GIGYF2: variants seen among roughly 807,000 people sequenced by gnomAD.
GIGYF2 encodes the protein GRB10-interacting GYF protein 2.
A neutral mutation model predicts 208.1 loss-of-function variants in GIGYF2; 25 were observed. The ratio of observed to expected loss-of-function variants is 0.12; its 90% confidence interval spans 0.09 to 0.17. The LOEUF (loss-of-function observed/expected upper bound fraction) is 0.17. GIGYF2 is among the 10% of genes least tolerant of loss of function. The pLI is 1.00. For synonymous variants in GIGYF2, 534 were observed against 543.8 expected, an observed-to-expected ratio of 0.98 and a Z score of 0.25; for missense variants, 1,302 against 1,579.4, an observed-to-expected ratio of 0.82 and a Z score of 2.98.
chr2:232,702,556 A>G (rs1343701779), intron 1 of GIGYF2, among the ~76,000 whole-genome samples: 1 of 152,144 alleles, frequency 6.6e-6, no homozygotes, highest in African/African-American at 2.4e-5. Context: ...GTAAAGCATC[A>G]TTTGATTTTA....
chr2:232,739,362 C>CCA (rs1491151627), intron 3 of GIGYF2, among the ~76,000 whole-genome samples: 1 of 7,338 alleles, frequency 1.4e-4, no homozygotes, highest in Non-Finnish European at 3.1e-4. Flanking sequence ...CAAAAGCAAA[C>CCA]CCCCCCCCCC....
chr2:232,743,976 G>A (rs1698058958), intron 3 of GIGYF2, among the ~76,000 whole-genome samples: 1 of 152,104 alleles, frequency 6.6e-6, no homozygotes, highest in Non-Finnish European at 1.5e-5. Flanking sequence ...CTTCCAAATA[G>A]CTGGGACTAC....
intron 21 of GIGYF2, among the ~76,000 whole-genome samples, chr2:232,829,957 TCA>T (rs1701376043): frequency 1.3e-5 from 2 of 152,102 alleles, no homozygotes; most frequent in African/African-American, 4.8e-5. Context: ...GTTCATTCAT[TCA>T]TTCGTTTGTT....
Position 232,847,264 on chromosome 2 carries a change from T to A in GIGYF2, c.3461-84T>A, listed in dbSNP as rs1702036978. On this transcript the variant is annotated intron_variant, in intron 26 of 28. Transcript: ENST00000373563. ...ATTAATGTTTGATTAGGTATAAAGA[T>A]ACATTAAAAATGGAAACTGATTTTT... 5.3e-6 allele frequency: 7 copies of A among 1,327,980 alleles called. No individual in the cohort carries two copies. In the Admixed American group the frequency reaches 1.2e-4, roughly 22 times the overall value. The allele number at this position is 1,327,980 out of a possible 1,614,324, so 82.3% of individuals were successfully genotyped here. A position where few individuals can be genotyped will look rare whatever the true frequency, so the allele number is the denominator to read the frequency against.
intron 25 of GIGYF2, among the ~76,000 whole-genome samples, chr2:232,845,519 C>T (rs1008570386): frequency 2.0e-5 from 3 of 152,100 alleles, no homozygotes; most frequent in African/African-American, 7.2e-5. Context: ...AAGTAGAACC[C>T]CTGTATCCAC....
chr2:232,820,542 C>T (rs538615592), intron 21 of GIGYF2, among the ~76,000 whole-genome samples: 1 of 152,102 alleles, frequency 6.6e-6, no homozygotes, highest in Non-Finnish European at 1.5e-5. Flanking sequence ...TCTCAATCTC[C>T]TGACCTCATG....
At chr2:232,752,523 A>G (rs1352199769) in intron 5 of GIGYF2, among the ~76,000 whole-genome samples, 1 of 152,186 alleles carries the variant, frequency 6.6e-6, no homozygotes, top group African/African-American at 2.4e-5. Context: ...TATTTATTTG[A>G]CATCAAAGAA....
At chr2:232,706,831 A>G (rs766639351) in intron 2 of GIGYF2, among the ~76,000 whole-genome samples, 1 of 151,650 alleles carries the variant, frequency 6.6e-6, no homozygotes, top group Admixed American at 6.6e-5. Flanking sequence ...GTGGTAATGC[A>G]TGCCTTGGTC....
chr2:232,761,797 A>G (rs1293152820), intron 8 of GIGYF2, among the ~76,000 whole-genome samples: 1 of 151,602 alleles, frequency 6.6e-6, no homozygotes, highest in Admixed American at 6.6e-5. Flanking sequence ...CAAAACTATG[A>G]ATGTTCTTAA....
At chr2:232,839,822 A>C in intron 22 of GIGYF2, 27 bp from the exon 23 acceptor site, 1 of 1,613,466 alleles carries the variant, frequency 6.2e-7, no homozygotes, top group South Asian at 1.1e-5. Flanking sequence ...TTCCTCATGA[A>C]CTTTCTGGCC....
intron 14 of GIGYF2, among the ~76,000 whole-genome samples, chr2:232,797,026 G>A (rs1574895754): frequency 1.3e-5 from 2 of 150,568 alleles, no homozygotes; most frequent in East Asian, 2.0e-4. Flanking sequence ...CTGTGTTTCC[G>A]TTTCCCTGAC....
At chr2:232,850,515 C>A (rs1173937766) in intron 28 of GIGYF2, 106 bp downstream of exon 28, 1 of 1,085,164 alleles carries the variant, frequency 9.2e-7, no homozygotes, top group Non-Finnish European at 1.4e-6. Context: ...GGAAATATTT[C>A]TTTTTATCAA....
chr2:232,843,185 A>ATG (rs1475317642), intron 23 of GIGYF2: 1 of 91,558 alleles, frequency 1.1e-5, no homozygotes. Flanking sequence ...GTGTGTGTAT[A>ATG]ATCTGTCATT....
intron 14 of GIGYF2, among the ~76,000 whole-genome samples, chr2:232,805,163 T>C (rs1438954752): frequency 6.6e-6 from 1 of 152,198 alleles, no homozygotes; most frequent in East Asian, 1.9e-4. Context: ...TGCTGTATGT[T>C]CTGTGGGTAG....
chr2:232,720,740 A>G (rs1037552575), intron 2 of GIGYF2, among the ~76,000 whole-genome samples: 2 of 152,166 alleles, frequency 1.3e-5, no homozygotes, highest in Non-Finnish European at 1.5e-5. Context: ...GATTACAGGC[A>G]TGAACCACCA....
At chr2:232,811,826 C>A (rs901318444) in intron 17 of GIGYF2, among the ~76,000 whole-genome samples, 2 of 152,146 alleles carry the variant, frequency 1.3e-5, no homozygotes, top group African/African-American at 2.4e-5. Context: ...TTCTCCTGAA[C>A]AAGTATCAGT....
intron 14 of GIGYF2, among the ~76,000 whole-genome samples, chr2:232,798,405 C>T (rs1262670586): frequency 6.6e-6 from 1 of 152,180 alleles, no homozygotes; most frequent in Non-Finnish European, 1.5e-5. Flanking sequence ...CATAAGTGTT[C>T]ATTCCTCTGG....
intron 18 of GIGYF2, among the ~76,000 whole-genome samples, chr2:232,814,565 A>AT (rs1700847572): frequency 1.3e-5 from 1 of 75,946 alleles, no homozygotes; most frequent in African/African-American, 4.7e-5. Flanking sequence ...TCCACCTCAA[A>AT]CCCCCCCCCC....
intron 21 of GIGYF2, among the ~76,000 whole-genome samples, chr2:232,823,326 A>G (rs937997232): frequency 6.6e-6 from 1 of 150,436 alleles, no homozygotes; most frequent in African/African-American, 2.4e-5. Flanking sequence ...TGAGGGAGAG[A>G]TAGGTCTACA....
Sources: gnomAD v4.1 joint callset for allele counts (sites outside exome capture counted in the v4.1 genomes callset) on GRCh38, gnomAD v4.1.1 for gene constraint, MANE v1.5 for transcripts, NCBI Gene and HGNC (gene_info 2026-07-23, HGNC 2026-07-21) for gene names.